GRIP2: variants seen among roughly 807,000 people sequenced by gnomAD.
GRIP2 encodes the protein glutamate receptor interacting protein 2, also known as glutamate receptor-interacting protein 2.
A neutral mutation model predicts 108.3 loss-of-function variants in GRIP2; 58 were observed. That is an observed-to-expected ratio of 0.54 (90% CI 0.43 to 0.67). GRIP2 has a LOEUF of 0.67. Among genes scored for constraint, GRIP2 ranks in the 30% least tolerant of loss-of-function variants. GRIP2 has a pLI of 0.00. For synonymous variants in GRIP2, 586 were observed against 598.2 expected (o/e 0.98, Z 0.30); for missense variants, 1,278 against 1,430.6 (o/e 0.89, Z 1.72).
chr3:14,509,504 G>T (rs192845429), intron 17 of GRIP2, among the ~76,000 whole-genome samples: 7 of 152,374 alleles, frequency 4.6e-5, no homozygotes, highest in Admixed American at 4.6e-4. Flanking sequence ...GCACACAGCA[G>T]GCGCTCCAAA....
intron 21 of GRIP2, among the ~76,000 whole-genome samples, chr3:14,501,529 G>A (rs1413063512): frequency 6.6e-6 from 1 of 152,094 alleles, no homozygotes; most frequent in Non-Finnish European, 1.5e-5. Context: ...TCTGAATATG[G>A]TCTTGGTATT....
chr3:14,593,791 C>T, the GRIP2 span, among the ~76,000 whole-genome samples: 1 of 152,156 alleles, frequency 6.6e-6, no homozygotes, highest in South Asian at 2.1e-4. Flanking sequence ...ATCTCTGGTA[C>T]CCTCCCACTA....
At chr3:14,588,706 G>T in the GRIP2 span, among the ~76,000 whole-genome samples, 1 of 152,234 alleles carries the variant, frequency 6.6e-6, no homozygotes, top group African/African-American at 2.4e-5. Context: ...GTCTCTGGCA[G>T]GAAAGCTTCC....
chr3:14,589,536 G>A, the GRIP2 span, among the ~76,000 whole-genome samples: 6 of 152,080 alleles, frequency 3.9e-5, no homozygotes, highest in Non-Finnish European at 7.4e-5. Flanking sequence ...TAGACAGTTG[G>A]TTTATTCCTT....
intron 3 of GRIP2, among the ~76,000 whole-genome samples, 162 bp downstream of exon 3, chr3:14,525,275 C>T (rs1414676562): frequency 6.6e-6 from 1 of 152,202 alleles, no homozygotes; most frequent in African/African-American, 2.4e-5. Flanking sequence ...TTACAGCCTC[C>T]ATTGGAGGCC....
chr3:14,589,374 G>T, the GRIP2 span, among the ~76,000 whole-genome samples: 4 of 152,178 alleles, frequency 2.6e-5, no homozygotes, highest in Non-Finnish European at 5.9e-5. Context: ...TAGAAGGACA[G>T]TCTAGAAATG....
In GRIP2 at chr3:14,512,950, G is replaced by A; in HGVS notation, c.1640-93C>T. 1.8e-6 allele frequency: 2 copies of A among 1,107,802 alleles called. No individual in the cohort carries two copies. The highest frequency in any genetic ancestry group is 2.8e-6 in the Non-Finnish European group (2 of 726,782). 68.6% of individuals were successfully genotyped at this position (1,107,802 alleles called of 1,614,324 possible). ...TGCCCATTCTGGCTGTGCTGGGAGT[G>A]ACCCCGAAAGTCACAGTTCTAATCT... On this transcript the variant is annotated intron_variant, in intron 13 of 23. Transcript: ENST00000621039. This position sits in a 1 kb window ranked among gnomAD's most constrained non-coding sequence, Gnocchi z 5.1.
Position 14,493,647 on chromosome 3 carries a change from T to C in GRIP2, c.*18A>G. Reference sequence around the variant, plus strand: ...TCTGCCTGGGTGGCCCCTTAGGAGTTCGGCCCACATGCTGACTTCAGAGCA... The same window carrying C: ...TCTGCCTGGGTGGCCCCTTAGGAGTCCGGCCCACATGCTGACTTCAGAGCA... On this transcript the variant is annotated 3_prime_UTR_variant, in exon 24 of 24. Transcript: ENST00000621039. The C allele has an allele frequency of 6.3e-7, 1 of 1,574,970 alleles. No homozygotes were observed.
chr3:14,579,680 T>G, the GRIP2 span, among the ~76,000 whole-genome samples: 1 of 30,794 alleles, frequency 3.2e-5, no homozygotes, highest in Non-Finnish European at 8.1e-5. Flanking sequence ...GTCTCCCGCC[T>G]TCACAACCCT....
In GRIP2 at chr3:14,521,305, G is replaced by T; in HGVS notation, c.712+337C>A. ...TCCCCTAGTGAGAGAGCATCCCCCA[G>T]CCTGTCCCATCTCTCTCCCCTGCCT... On this transcript the variant is annotated intron_variant, in intron 7 of 23. Coordinates refer to ENST00000621039, the MANE Select transcript of GRIP2 (RefSeq NM_001080423.4). This position sits in a 1 kb window ranked among gnomAD's most constrained non-coding sequence, Gnocchi z 5.1. 4.3e-6 allele frequency: 1 copy of T among 230,740 alleles called. No individual in the cohort carries two copies. Among genetic ancestry groups the T allele is most frequent in the Admixed American group, 5.7e-5 (1 of 17,572 alleles). 14.3% of individuals were successfully genotyped at this position (230,740 alleles called of 1,614,324 possible).
chr3:14,552,767 A>G (rs1182850159), intron 1 of GRIP2, among the ~76,000 whole-genome samples: 1 of 150,814 alleles, frequency 6.6e-6, no homozygotes, highest in East Asian at 2.0e-4. Context: ...TAATTTTTGT[A>G]TTTTCAGTAG....
chr3:14,592,771 T>G, the GRIP2 span, among the ~76,000 whole-genome samples: 4 of 152,310 alleles, frequency 2.6e-5, no homozygotes, highest in East Asian at 7.7e-4. Context: ...GTGTCTTGCT[T>G]GACCCTGTTC....
At chr3:14,557,571 T>C (rs557200318), upstream of GRIP2, among the ~76,000 whole-genome samples, 26 of 152,280 alleles carry the variant, frequency 1.7e-4, no homozygotes, top group African/African-American at 5.8e-4. Flanking sequence ...CCTAAAGGTG[T>C]GGGTGGCAGA....
the GRIP2 span, among the ~76,000 whole-genome samples, chr3:14,598,158 A>G: frequency 5.3e-5 from 8 of 151,684 alleles, no homozygotes; most frequent in African/African-American, 1.9e-4. Flanking sequence ...ACCTGGGGCA[A>G]TGAACATTCA....
intron 1 of GRIP2, among the ~76,000 whole-genome samples, chr3:14,527,723 C>G (rs1449759668): frequency 6.6e-6 from 1 of 151,980 alleles, no homozygotes; most frequent in Non-Finnish European, 1.5e-5. Flanking sequence ...TGGCAAAACC[C>G]CATCTCTACT....
At chr3:14,551,038 AGCAAGGCTTCCAGGCCC>A (rs1695138910) in intron 1 of GRIP2, among the ~76,000 whole-genome samples, 1 of 152,164 alleles carries the variant, frequency 6.6e-6, no homozygotes, top group Non-Finnish European at 1.5e-5. Flanking sequence ...GGGGGGAGGC[AGCAAGGCTTCCAGGCCC>A]GGGAGAGCAG....
At position 14,511,060 on chromosome 3, in the gene GRIP2, A is replaced by G. The variant is rs1249174311; in HGVS notation, c.1933+105T>C. The G allele has an allele frequency of 1.5e-6, 2 of 1,365,290 alleles. No individual in the cohort carries two copies. The highest frequency in any genetic ancestry group is 1.4e-5 in the African/African-American group (1 of 69,110). The allele number at this position is 1,365,290 out of a possible 1,614,324, so 84.6% of individuals were successfully genotyped here. A position where few individuals can be genotyped will look rare whatever the true frequency, so the allele number is the denominator to read the frequency against. On this transcript the variant is annotated intron_variant, in intron 16 of 23. Transcript: ENST00000621039. The surrounding 1 kb of genome is among the most constrained non-coding windows in gnomAD (Gnocchi z 4.1). ...TTCCAGCCAGCCTTCAGCAGCGCCC[A>G]CCACCCTCCCTTCCTCGGCTGGAGG...
chr3:14,504,267 C>T (rs967235033), intron 20 of GRIP2, among the ~76,000 whole-genome samples: 3 of 151,492 alleles, frequency 2.0e-5, no homozygotes, highest in Admixed American at 6.6e-5. Context: ...ACAAAGGCCT[C>T]AACGGTTACA....
At position 14,489,240 on chromosome 3, in the gene GRIP2, C is replaced by G. The variant is rs1701266002; in HGVS notation, c.*4425G>C. Reference sequence around the variant, plus strand: ...TTTGCAGGGGTTTTTTTCTCTTTTGCTTTTTAGATAAATATGTATATCAAT... The same window carrying G: ...TTTGCAGGGGTTTTTTTCTCTTTTGGTTTTTAGATAAATATGTATATCAAT... On this transcript the variant is annotated 3_prime_UTR_variant, in exon 24 of 24. Coordinates refer to ENST00000621039, the MANE Select transcript of GRIP2 (RefSeq NM_001080423.4). 1 of 152,298 alleles carries G rather than the reference C, an allele frequency of 6.6e-6. No individual in the cohort carries two copies. The highest frequency in any genetic ancestry group is 1.5e-5 in the Non-Finnish European group (1 of 67,986). 9.4% of individuals were successfully genotyped at this position (152,298 alleles called of 1,614,324 possible).
Sources: gnomAD v4.1 joint callset for allele counts (sites outside exome capture counted in the v4.1 genomes callset) on GRCh38, gnomAD v4.1.1 for gene constraint, Gnocchi (gnomAD v3.1) non-coding constraint, MANE v1.5 for transcripts, NCBI Gene and HGNC (gene_info 2026-07-23, HGNC 2026-07-21) for gene names.